The following DCC variants were observed in gnomAD, a reference collection of about 807,000 sequenced individuals.
DCC encodes DCC netrin 1 receptor.
Under a neutral mutation model 172.5 loss-of-function variants are expected in DCC, and 58 were observed. The ratio of observed to expected loss-of-function variants is 0.34; its 90% CI spans 0.27 to 0.42. DCC has a LOEUF of 0.42. DCC is among the 10% of genes least tolerant of loss of function. DCC has a pLI of 1.00. For synonymous variants in DCC, 709 were observed against 644.5 expected (o/e 1.10, Z -1.52); for missense variants, 1,740 against 1,791.0 (o/e 0.97, Z 0.51).
intron 1 of DCC, among the ~76,000 whole-genome samples, chr18:52,570,032 G>A (rs1026975895): frequency 2.6e-5 from 4 of 152,202 alleles, no homozygotes; most frequent in Non-Finnish European, 5.9e-5. Context: ...CCTAGTATGA[G>A]TGAACTAGTT....
chr18:53,396,064 A>G (rs371797495), intron 17 of DCC, among the ~76,000 whole-genome samples: 1 of 152,174 alleles, frequency 6.6e-6, no homozygotes. Context: ...GTAATGAAAT[A>G]TACAATTTTC....
intron 2 of DCC, among the ~76,000 whole-genome samples, chr18:52,826,829 C>T (rs1455929797): frequency 6.6e-6 from 1 of 152,250 alleles, no homozygotes; most frequent in African/African-American, 2.4e-5. Context: ...GTGGAGTTTC[C>T]ATATCCATGG....
At chr18:53,302,433 C>T (rs766891176) in intron 12 of DCC, among the ~76,000 whole-genome samples, 11 of 152,146 alleles carry the variant, frequency 7.2e-5, no homozygotes, top group Non-Finnish European at 1.2e-4. Flanking sequence ...TATTCTTTAA[C>T]TTCACATAAA....
At chr18:52,643,204 A>G (rs914984864) in intron 1 of DCC, among the ~76,000 whole-genome samples, 1 of 152,190 alleles carries the variant, frequency 6.6e-6, no homozygotes, top group Non-Finnish European at 1.5e-5. Context: ...GTAATTTAAG[A>G]AAGATTGAAT....
In DCC at chr18:53,305,580, T is replaced by C; in HGVS notation, c.1914T>C (p.Ser638=). The C allele has an allele frequency of 6.2e-7, 1 of 1,610,376 alleles. No individual in the cohort carries two copies. Among genetic ancestry groups the C allele is most frequent in the Non-Finnish European group, 8.5e-7 (1 of 1,176,698 alleles). ...NVSLEVVNSR[S]IKVSWLPPPS... is the part of the protein sequence containing the mutation. ...AATTTACACCTATTATTTTACAGAG[T>C]ATCAAAGTTAGCTGGCTGCCTCCTC... The change falls in exon 13 of 29, where the codon AGT becomes AGC. Residue 638 remains serine (S), a splice_region_variant and synonymous_variant. Coordinates refer to ENST00000442544, the MANE Select transcript of DCC (RefSeq NM_005215.4).
rs1324370280 is a variant in DCC, at chr18:53,428,069, CATATA to C, written c.3164-7069_3164-7065del. 4.8e-4 allele frequency among the ~76,000 whole-genome samples: 13 copies of C among 27,144 alleles called. 4 individuals carry two copies. The highest frequency in any genetic ancestry group is 2.9e-3 in the Admixed American group (5 of 1,698). 17.8% of individuals were successfully genotyped at this position (27,144 alleles called of 152,430 possible). On this transcript the variant is annotated intron_variant, in intron 21 of 28. Transcript: ENST00000442544. ...TATATTATAATAATGTGTCATATAT[CATATA>C]ATATATTATAATAATATATAATATA...
At chr18:52,751,865 A>G (rs910061729) in intron 1 of DCC, among the ~76,000 whole-genome samples, 189 bp from the exon 2 acceptor site, 5 of 151,926 alleles carry the variant, frequency 3.3e-5, no homozygotes, top group Admixed American at 6.6e-5. Context: ...TTTCTTAATT[A>G]TGATTACCTC....
At chr18:53,082,428 T>A (rs2042820108) in intron 7 of DCC, among the ~76,000 whole-genome samples, 1 of 152,096 alleles carries the variant, frequency 6.6e-6, no homozygotes, top group Admixed American at 6.6e-5. Flanking sequence ...TAAAAAATTA[T>A]TTTCCTTAAT....
At chr18:53,186,627 T>C (rs9966566) in intron 9 of DCC, among the ~76,000 whole-genome samples, 1 of 152,180 alleles carries the variant, frequency 6.6e-6, no homozygotes. Context: ...ATGCAGTTCA[T>C]AAGTATTTAC....
chr18:52,473,164 G>A (rs909154774), intron 1 of DCC, among the ~76,000 whole-genome samples: 1 of 152,146 alleles, frequency 6.6e-6, no homozygotes, highest in Non-Finnish European at 1.5e-5. Flanking sequence ...TAGTGGAAAG[G>A]ACACTGAACT....
chr18:53,485,274 C>A (rs2045887760), intron 25 of DCC, among the ~76,000 whole-genome samples: 1 of 151,990 alleles, frequency 6.6e-6, no homozygotes. Context: ...CTAATATACA[C>A]AATAACATGT....
intron 22 of DCC, among the ~76,000 whole-genome samples, chr18:53,440,493 A>G (rs1472633681): frequency 8.3e-6 from 1 of 120,464 alleles, no homozygotes; most frequent in Non-Finnish European, 2.0e-5. Flanking sequence ...CTATTTTTGC[A>G]AACCTGTTTT....
Position 52,520,945 on chromosome 18 carries a change from C to G in DCC, c.91+180067C>G, listed in dbSNP as rs555108798. 3.3e-5 allele frequency among the ~76,000 whole-genome samples: 5 copies of G among 152,134 alleles called. No homozygotes were observed. In the South Asian group the frequency reaches 8.3e-4, roughly 25 times the overall value. ...AGTTTTGGAAATTGCCATATACTGT[C>G]CTGACAAGTAATTTTACTTTCTGTT... is the stretch of plus-strand genomic sequence containing the variant. On this transcript the variant is annotated intron_variant, in intron 1 of 28. Coordinates refer to ENST00000442544, the MANE Select transcript of DCC (RefSeq NM_005215.4).
At chr18:53,386,974 C>G (rs889395102) in intron 16 of DCC, among the ~76,000 whole-genome samples, 1 of 152,142 alleles carries the variant, frequency 6.6e-6, no homozygotes, top group Non-Finnish European at 1.5e-5. Context: ...CAAGTAAAAC[C>G]CAAGTTCCCT....
chr18:52,534,841 T>C (rs933678844), intron 1 of DCC, among the ~76,000 whole-genome samples: 1 of 152,226 alleles, frequency 6.6e-6, no homozygotes, highest in Non-Finnish European at 1.5e-5. Context: ...ATGCATCCTA[T>C]TATTTAACTT....
At chr18:53,025,825 CACACACATAAAA>C (rs2041947994) in intron 5 of DCC, among the ~76,000 whole-genome samples, 1 of 148,724 alleles carries the variant, frequency 6.7e-6, no homozygotes, top group Non-Finnish European at 1.5e-5. Flanking sequence ...CACACACACA[CACACACATAAAA>C]CTTCCATATC....
In DCC at chr18:52,842,578, C is replaced by A. The variant is rs565671615; in HGVS notation, c.413-63466C>A. Among the ~76,000 whole-genome samples the A allele has an allele frequency of 3.1e-3, 466 of 152,302 alleles. 1 individual carries two copies. The highest frequency in any genetic ancestry group is 0.011 in the African/African-American group (450 of 41,572). ...TCTTCTGGAAACACCCTCATAGACA[C>A]CCTGAAATAATGTTTAACCAAGTTT... On this transcript the variant is annotated intron_variant, in intron 2 of 28. Coordinates refer to ENST00000442544, the MANE Select transcript of DCC (RefSeq NM_005215.4).
At chr18:53,265,618 G>A (rs939394721) in intron 12 of DCC, among the ~76,000 whole-genome samples, 12 of 152,136 alleles carry the variant, frequency 7.9e-5, no homozygotes, top group African/African-American at 2.9e-4. Context: ...TATTATTGGG[G>A]AATGAAAAAT....
chr18:52,420,227 G>A (rs999003518), intron 1 of DCC, among the ~76,000 whole-genome samples: 9 of 152,190 alleles, frequency 5.9e-5, no homozygotes, highest in African/African-American at 2.2e-4. Flanking sequence ...AAGAGGAATA[G>A]AGCAAGGCTC....
Sources: allele counts gnomAD v4.1 joint callset (sites outside exome capture counted in the v4.1 genomes callset), GRCh38; gene constraint gnomAD v4.1.1; transcripts MANE v1.5; gene names NCBI Gene and HGNC (gene_info 2026-07-23, HGNC 2026-07-21).